The following HERC2 variants were observed in gnomAD, a reference collection of about 807,000 sequenced individuals.
HERC2 encodes E3 ubiquitin-protein ligase HERC2.
A neutral mutation model predicts 537.7 loss-of-function variants in HERC2; 102 were observed. The observed-to-expected ratio is 0.19, with a 90% CI of 0.16 to 0.22. HERC2 has a LOEUF of 0.22. HERC2 is among the 10% of genes least tolerant of loss of function. HERC2 has a pLI of 1.00. For synonymous variants in HERC2, 2,224 were observed against 2,466.2 expected, an observed-to-expected ratio of 0.90 and a Z score of 2.91; for missense variants, 4,236 against 6,198.2, an observed-to-expected ratio of 0.68 and a Z score of 10.63.
chr15:28,114,035 G>A (rs974410030), intron 90 of HERC2, among the ~76,000 whole-genome samples: 1 of 152,154 alleles, frequency 6.6e-6, no homozygotes. Flanking sequence ...CAGCAGACAC[G>A]ATACGGGGGA....
intron 35 of HERC2, among the ~76,000 whole-genome samples, chr15:28,224,148 C>CA (rs71132840): frequency 0.78 from 103,458 of 133,410 alleles, 40,195 homozygotes; most frequent in Non-Finnish European, 0.89. Context: ...CACACACACA[C>CA]CCACACACAC....
intron 2 of HERC2, among the ~76,000 whole-genome samples, chr15:28,299,790 G>A (rs2141198331): frequency 6.6e-6 from 1 of 152,254 alleles, no homozygotes; most frequent in Admixed American, 6.5e-5. Flanking sequence ...GGTGGCTCAT[G>A]CTTGTCATCC....
At position 28,228,284 on chromosome 15, in the gene HERC2, T is replaced by C. The variant is rs927108716; in HGVS notation, c.5398A>G (p.Asn1800Asp). 2.5e-6 allele frequency: 4 copies of C among 1,613,122 alleles called. No individual in the cohort carries two copies. Among genetic ancestry groups the C allele is most frequent in the East Asian group, 2.2e-5 (1 of 44,900 alleles). ...GAATTGAGCAGAAGGTCGAGGTTGTTTGCGCCGTGCTGCAGGGTGAGCATG... is the reference window on the plus strand; with the variant it reads ...GAATTGAGCAGAAGGTCGAGGTTGTCTGCGCCGTGCTGCAGGGTGAGCATG... The part of the protein sequence containing the change: ...LSMLTLQHGA[N>D]NLDLLLNSGM... Residue 1800 changes from asparagine to aspartate, a missense_variant, in exon 35 of 93, where the codon AAC becomes GAC. Physicochemically the swap from Asn to Asp is conservative, Grantham distance 23. Around this residue, in one of 27 missense-constraint regions of HERC2, gnomAD observed 343 missense variants for 417.2 expected, o/e 0.82. Transcript: ENST00000261609.
chr15:28,276,060 G>A (rs770852372), intron 5 of HERC2, among the ~76,000 whole-genome samples: 5 of 151,072 alleles, frequency 3.3e-5, no homozygotes, highest in African/African-American at 1.2e-4. Flanking sequence ...GGTGACGGGT[G>A]CCTGTAGTCC....
At chr15:28,225,696 C>CAAAA (rs35629645) in intron 35 of HERC2, among the ~76,000 whole-genome samples, 79 of 57,630 alleles carry the variant, frequency 1.4e-3, no homozygotes, top group Non-Finnish European at 2.0e-3. Context: ...GACTCCGTCT[C>CAAAA]AAAAAAAAAA....
At chr15:28,241,967 A>G (rs1415836371) in intron 23 of HERC2, among the ~76,000 whole-genome samples, 1 of 152,266 alleles carries the variant, frequency 6.6e-6, no homozygotes, top group Non-Finnish European at 1.5e-5. Flanking sequence ...ATATACTCAT[A>G]TAACAGAATA....
Position 28,113,481 on chromosome 15 carries a change from G to T in HERC2, c.14019+92C>A. The T allele has an allele frequency of 8.2e-7, 1 of 1,222,008 alleles. No individual in the cohort carries two copies. Among genetic ancestry groups the T allele is most frequent in the Non-Finnish European group, 1.2e-6 (1 of 834,862 alleles). 75.7% of individuals were successfully genotyped at this position (1,222,008 alleles called of 1,614,324 possible). On this transcript the variant is annotated intron_variant, in intron 91 of 92. Coordinates refer to ENST00000261609, the MANE Select transcript of HERC2 (RefSeq NM_004667.6). The surrounding 1 kb of genome is among the most constrained non-coding windows in gnomAD (Gnocchi z 7.0). ...GTGCACTCCCTTCAGTCAACACACAGGGCAAGGTTCTGACTCTAACTGCTG... is the reference window on the plus strand; with the variant it reads ...GTGCACTCCCTTCAGTCAACACACATGGCAAGGTTCTGACTCTAACTGCTG...
At chr15:28,192,604 T>C (rs1468190121) in intron 52 of HERC2, among the ~76,000 whole-genome samples, 1 of 152,112 alleles carries the variant, frequency 6.6e-6, no homozygotes, top group Non-Finnish European at 1.5e-5. Context: ...CAAAAATAAA[T>C]AAATTCTCTT....
chr15:28,126,709 G>T (rs1014678263), intron 83 of HERC2, among the ~76,000 whole-genome samples: 9 of 152,266 alleles, frequency 5.9e-5, no homozygotes, highest in African/African-American at 2.2e-4. Flanking sequence ...GGAGACTCGG[G>T]GGAAAGGGTA....
chr15:28,280,656 G>C (rs562957418), intron 4 of HERC2, among the ~76,000 whole-genome samples: 99 of 152,270 alleles, frequency 6.5e-4, no homozygotes, highest in South Asian at 1.9e-3. Flanking sequence ...TGGAATCCCA[G>C]CACTTTGGGA....
chr15:28,114,658 T>C lies in HERC2; in HGVS notation c.13867A>G (p.Thr4623Ala), dbSNP rs200336266. 6 of 1,613,456 alleles carry C rather than the reference T, an allele frequency of 3.7e-6. No homozygotes were observed. Among genetic ancestry groups the C allele is most frequent in the Non-Finnish European group, 5.1e-6 (6 of 1,179,908 alleles). Residue 4623 changes from threonine (T) to alanine (A), a missense_variant, in exon 90 of 93, where the codon ACC becomes GCC. By Grantham distance (58) the Thr-to-Ala change is moderately conservative (BLOSUM62 0). This residue lies in a region of HERC2 where 313 missense variants were observed against 462.6 expected (regional missense o/e 0.68). Coordinates refer to ENST00000261609, the MANE Select transcript of HERC2 (RefSeq NM_004667.6). Reference sequence around the variant, plus strand: ...ACGTACTCCGCGCGGTTGTCCAGGGTGATGTGTGTGTGCTTGGAGCTCAAC... The same window carrying C: ...ACGTACTCCGCGCGGTTGTCCAGGGCGATGTGTGTGTGCTTGGAGCTCAAC... ...IQLSSKHTHI[T>A]LDNRAEYVRL...
chr15:28,172,296 A>G (rs191707625), intron 65 of HERC2, among the ~76,000 whole-genome samples: 43 of 152,356 alleles, frequency 2.8e-4, no homozygotes, highest in Non-Finnish European at 1.5e-4. Flanking sequence ...GTTATATGGA[A>G]ATGCAAAGGG....
intron 37 of HERC2, among the ~76,000 whole-genome samples, 166 bp downstream of exon 37, chr15:28,220,286 A>G (rs878916293): frequency 1.3e-5 from 2 of 152,222 alleles, no homozygotes; most frequent in South Asian, 2.1e-4. Flanking sequence ...ACACACCTGC[A>G]TCGGAGGTGC....
chr15:28,199,394 T>C (rs986947204), intron 48 of HERC2, among the ~76,000 whole-genome samples: 1 of 152,182 alleles, frequency 6.6e-6, no homozygotes, highest in African/African-American at 2.4e-5. Context: ...AGCCAATGGA[T>C]TGGTCATCAT....
At chr15:28,115,045 C>T (rs1462685557) in intron 89 of HERC2, among the ~76,000 whole-genome samples, 2 of 151,974 alleles carry the variant, frequency 1.3e-5, no homozygotes, top group Non-Finnish European at 2.9e-5. Flanking sequence ...GAGAAAGTTA[C>T]AGCAACTGGC....
chr15:28,274,208 T>G, intron 7 of HERC2, 83 bp downstream of exon 7: 1 of 1,451,630 alleles, frequency 6.9e-7, no homozygotes, highest in South Asian at 1.3e-5. Flanking sequence ...CTAGGCTTCT[T>G]AGCTCTAAAG....
intron 48 of HERC2, among the ~76,000 whole-genome samples, chr15:28,200,598 T>C (rs1271090108): frequency 6.6e-6 from 1 of 152,188 alleles, no homozygotes; most frequent in Non-Finnish European, 1.5e-5. Context: ...TAGCTTGGAA[T>C]AGACGTCAAA....
At chr15:28,149,872 C>T (rs1216131643) in intron 70 of HERC2, among the ~76,000 whole-genome samples, 2 of 151,802 alleles carry the variant, frequency 1.3e-5, no homozygotes, top group Admixed American at 1.3e-4. Context: ...AGTAAAATTA[C>T]CAAAAAAACA....
At chr15:28,215,260 A>C (rs977848032) in intron 39 of HERC2, among the ~76,000 whole-genome samples, 1 of 152,196 alleles carries the variant, frequency 6.6e-6, no homozygotes, top group Non-Finnish European at 1.5e-5. Flanking sequence ...AATTACACTC[A>C]AGTTGATTAG....
Sources: gnomAD v4.1 joint callset for allele counts (sites outside exome capture counted in the v4.1 genomes callset) on GRCh38, gnomAD v4.1.1 for gene constraint, gnomAD v4.1.1 regional missense constraint, Gnocchi (gnomAD v3.1) non-coding constraint, MANE v1.5 for transcripts, NCBI Gene and HGNC (gene_info 2026-07-23, HGNC 2026-07-21) for gene names.